ITFG1: variants seen among roughly 807,000 people sequenced by gnomAD.
ITFG1 encodes the protein integrin alpha FG-GAP repeat containing 1, also known as T-cell immunomodulatory protein.
In ITFG1, 34 loss-of-function variants were observed where a neutral mutation model predicts 81.8. The ratio of observed to expected loss-of-function variants is 0.42; its 90% CI spans 0.32 to 0.55. The LOEUF (loss-of-function observed/expected upper bound fraction) is 0.55. Among genes scored for constraint, ITFG1 ranks in the 20% least tolerant of loss-of-function variants. The pLI is 0.17. For missense variants in ITFG1, 672 were observed against 755.4 expected, an observed-to-expected ratio of 0.89 and a Z score of 1.29; for synonymous variants, 285 against 270.6, an observed-to-expected ratio of 1.05 and a Z score of -0.52.
At chr16:47,386,428 C>T (rs550712109) in intron 6 of ITFG1, among the ~76,000 whole-genome samples, 1 of 152,248 alleles carries the variant, frequency 6.6e-6, no homozygotes, top group South Asian at 2.1e-4. Context: ...TAACTTCTTG[C>T]GGGGCAGGCC....
At chr16:47,331,917 A>G (rs928942513) in intron 8 of ITFG1, among the ~76,000 whole-genome samples, 36 of 152,106 alleles carry the variant, frequency 2.4e-4, no homozygotes, top group Non-Finnish European at 4.6e-4. Context: ...GGTATTTTTG[A>G]TCACCTATGA....
intron 6 of ITFG1, among the ~76,000 whole-genome samples, chr16:47,414,391 T>C (rs1301945104): frequency 6.6e-6 from 1 of 151,810 alleles, no homozygotes; most frequent in African/African-American, 2.4e-5. Flanking sequence ...CTGGGTGTGG[T>C]GATGCATGCC....
At chr16:47,342,049 C>T (rs1967791266) in intron 8 of ITFG1, among the ~76,000 whole-genome samples, 2 of 152,134 alleles carry the variant, frequency 1.3e-5, no homozygotes, top group Non-Finnish European at 2.9e-5. Context: ...GAGGAAGAAA[C>T]ACTTCCCAAC....
chr16:47,171,261 G>C (rs1351787276), intron 14 of ITFG1, among the ~76,000 whole-genome samples: 2 of 152,010 alleles, frequency 1.3e-5, no homozygotes, highest in Non-Finnish European at 2.9e-5. Context: ...TCATGCTTTG[G>C]CCTCTCAAAG....
At chr16:47,411,706 C>T (rs1369849286) in intron 6 of ITFG1, among the ~76,000 whole-genome samples, 1 of 152,114 alleles carries the variant, frequency 6.6e-6, no homozygotes, top group Non-Finnish European at 1.5e-5. Context: ...GCCAGGACCC[C>T]CACTGGAGCC....
intron 1 of ITFG1, among the ~76,000 whole-genome samples, chr16:47,460,285 G>A (rs79062049): frequency 6.6e-6 from 1 of 152,186 alleles, no homozygotes; most frequent in Non-Finnish European, 1.5e-5. Flanking sequence ...TTAGTGTTTA[G>A]GCCCTTGGAA....
intron 5 of ITFG1, chr16:47,449,750 G>T (rs1969366091): frequency 6.6e-6 from 1 of 151,936 alleles, no homozygotes; most frequent in African/African-American, 2.4e-5. Flanking sequence ...ATCTGAACTT[G>T]TTCATGAAGC....
At chr16:47,242,145 C>T (rs999477041) in intron 12 of ITFG1, among the ~76,000 whole-genome samples, 1 of 151,496 alleles carries the variant, frequency 6.6e-6, no homozygotes, top group Non-Finnish European at 1.5e-5. Flanking sequence ...AAAGCTGTTA[C>T]AAAATAAGAA....
At chr16:47,397,388 T>A (rs1397184306) in intron 6 of ITFG1, among the ~76,000 whole-genome samples, 1 of 151,920 alleles carries the variant, frequency 6.6e-6, no homozygotes, top group Non-Finnish European at 1.5e-5. Flanking sequence ...GGAAACAGAG[T>A]GGCTAACAAG....
At chr16:47,175,640 T>C (rs1965015686) in intron 14 of ITFG1, among the ~76,000 whole-genome samples, 1 of 152,212 alleles carries the variant, frequency 6.6e-6, no homozygotes, top group African/African-American at 2.4e-5. Flanking sequence ...GTTGCTCCTA[T>C]TACTCCTTGC....
intron 14 of ITFG1, among the ~76,000 whole-genome samples, chr16:47,197,328 C>A (rs1965369885): frequency 6.6e-6 from 1 of 152,198 alleles, no homozygotes; most frequent in South Asian, 2.1e-4. Flanking sequence ...CACAATCCCC[C>A]TTCTCTTAAC....
At position 47,335,241 on chromosome 16, in the gene ITFG1, C is replaced by T. The variant is rs141255419; in HGVS notation, c.803-21418G>A. Among the ~76,000 whole-genome samples the T allele has an allele frequency of 5.7e-3, 871 of 152,214 alleles. 7 individuals carry two copies. The highest frequency in any genetic ancestry group is 0.02 in the African/African-American group (829 of 41,516). On this transcript the variant is annotated intron_variant, in intron 8 of 17. Transcript: ENST00000320640. ...GCGTGGTGGTGGGCACCTGTAATCCCAGCTACTAGGGAGGCTGAGGCAGGA... is the reference window on the plus strand; with the variant it reads ...GCGTGGTGGTGGGCACCTGTAATCCTAGCTACTAGGGAGGCTGAGGCAGGA...
intron 6 of ITFG1, among the ~76,000 whole-genome samples, chr16:47,404,751 A>G (rs1968706898): frequency 6.6e-6 from 1 of 152,096 alleles, no homozygotes; most frequent in Non-Finnish European, 1.5e-5. Flanking sequence ...TGACTCATCC[A>G]TGTTAATATG....
At chr16:47,219,090 A>C (rs1027557505) in intron 13 of ITFG1, 144 bp from the exon 14 acceptor site, 6 of 428,744 alleles carry the variant, frequency 1.4e-5, no homozygotes, top group Non-Finnish European at 2.4e-5. Flanking sequence ...ATCAAAAGAA[A>C]ACCTGTTGTT....
chr16:47,199,330 A>G (rs1965397398), intron 14 of ITFG1, among the ~76,000 whole-genome samples: 1 of 151,892 alleles, frequency 6.6e-6, no homozygotes, highest in Non-Finnish European at 1.5e-5. Flanking sequence ...TTAAGCATGC[A>G]GTGTGTATAA....
intron 8 of ITFG1, among the ~76,000 whole-genome samples, chr16:47,337,420 C>T (rs948716603): frequency 1.3e-5 from 2 of 151,746 alleles, no homozygotes; most frequent in Non-Finnish European, 2.9e-5. Flanking sequence ...AAATACAAAA[C>T]TTAGCTGGGC....
chr16:47,422,871 G>A (rs1422908575), intron 6 of ITFG1, among the ~76,000 whole-genome samples: 4 of 152,108 alleles, frequency 2.6e-5, no homozygotes, highest in East Asian at 1.9e-4. Context: ...GAATAAGTGC[G>A]ATGTGGGGCT....
chr16:47,199,665 G>C (rs1364761117), intron 14 of ITFG1, among the ~76,000 whole-genome samples: 1 of 152,140 alleles, frequency 6.6e-6, no homozygotes, highest in East Asian at 1.9e-4. Flanking sequence ...ATTTTTCCAT[G>C]GACCCCATGG....
At chr16:47,420,473 T>C (rs1448205801) in intron 6 of ITFG1, among the ~76,000 whole-genome samples, 1 of 152,188 alleles carries the variant, frequency 6.6e-6, no homozygotes, top group Non-Finnish European at 1.5e-5. Context: ...TGGAGTCTAC[T>C]ATAGTTTAGA....
Sources: allele counts gnomAD v4.1 joint callset (sites outside exome capture counted in the v4.1 genomes callset), GRCh38; gene constraint gnomAD v4.1.1; transcripts MANE v1.5; gene names NCBI Gene and HGNC (gene_info 2026-07-23, HGNC 2026-07-21).